Variants in GALNT13 observed in about 807,000 individuals in gnomAD.
GALNT13 encodes the protein UDP-GalNAc:polypeptide N-acetylgalactosaminyltransferase 13.
In GALNT13, 28 loss-of-function variants were observed where a neutral mutation model predicts 64.2. That is an observed-to-expected ratio of 0.44 (90% CI 0.32 to 0.60). The LOEUF (loss-of-function observed/expected upper bound fraction) is 0.60, where lower values mean the gene tolerates loss of function less well. Ranked by LOEUF, GALNT13 falls within the 20% of genes least tolerant of loss-of-function variation. The pLI is 0.05. For synonymous variants in GALNT13, 214 were observed against 224.6 expected, an observed-to-expected ratio of 0.95 and a Z score of 0.42; for missense variants, 577 against 669.8, an observed-to-expected ratio of 0.86 and a Z score of 1.53.
chr2:153,707,143 C>T, the GALNT13 span, among the ~76,000 whole-genome samples: 2 of 152,248 alleles, frequency 1.3e-5, no homozygotes, highest in African/African-American at 4.8e-5. Context: ...TTCCCAGCCA[C>T]GTGGAACTGT....
the GALNT13 span, among the ~76,000 whole-genome samples, chr2:153,669,594 C>A: frequency 6.6e-5 from 10 of 152,180 alleles, no homozygotes; most frequent in Non-Finnish European, 1.5e-4. Flanking sequence ...CTCTGGTCTA[C>A]AGCTCCCAGT....
intron 8 of GALNT13, among the ~76,000 whole-genome samples, chr2:154,299,621 A>AT (rs11319036): frequency 4.5e-4 from 65 of 143,936 alleles, no homozygotes; most frequent in South Asian, 2.0e-3. Flanking sequence ...TGCCTGGCTA[A>AT]TTTTTTTTTT....
chr2:153,480,893 C>T, the GALNT13 span, among the ~76,000 whole-genome samples: 2 of 152,100 alleles, frequency 1.3e-5, no homozygotes, highest in African/African-American at 4.8e-5. Context: ...TTGTAAGATC[C>T]AATATGGAAG....
chr2:153,353,772 C>A, the GALNT13 span, among the ~76,000 whole-genome samples: 1 of 152,084 alleles, frequency 6.6e-6, no homozygotes, highest in Non-Finnish European at 1.5e-5. Flanking sequence ...AAATGTTGAA[C>A]AAGTCTTACA....
At chr2:153,776,050 A>C in the GALNT13 span, among the ~76,000 whole-genome samples, 1 of 152,202 alleles carries the variant, frequency 6.6e-6, no homozygotes, top group Non-Finnish European at 1.5e-5. Context: ...ACTTCGAAGA[A>C]ATATTTTAAT....
At chr2:153,340,455 G>T in the GALNT13 span, among the ~76,000 whole-genome samples, 4 of 151,860 alleles carry the variant, frequency 2.6e-5, no homozygotes, top group Non-Finnish European at 5.9e-5. Flanking sequence ...AGGAGTTCGA[G>T]GCCAGCCTGG....
intron 2 of GALNT13, among the ~76,000 whole-genome samples, chr2:153,914,572 G>A (rs1481744361): frequency 2.0e-5 from 3 of 150,832 alleles, no homozygotes; most frequent in Admixed American, 6.6e-5. Flanking sequence ...TTCTGATTTT[G>A]TTAGGATTCT....
At chr2:153,785,891 T>A in the GALNT13 span, among the ~76,000 whole-genome samples, 1 of 152,052 alleles carries the variant, frequency 6.6e-6, no homozygotes, top group African/African-American at 2.4e-5. Flanking sequence ...GGTCCTGACC[T>A]CCAGCACAGA....
chr2:154,432,870 G>C (rs948036867), intron 11 of GALNT13, among the ~76,000 whole-genome samples: 2 of 152,048 alleles, frequency 1.3e-5, no homozygotes, highest in Non-Finnish European at 2.9e-5. Context: ...TATCATCTGG[G>C]GAGCCACAGT....
the GALNT13 span, among the ~76,000 whole-genome samples, chr2:153,082,204 TTACA>T: frequency 6.6e-6 from 1 of 152,126 alleles, no homozygotes; most frequent in East Asian, 1.9e-4. Context: ...TGGTTTTTGG[TTACA>T]TGGATAAGTT....
chr2:153,122,825 C>G, the GALNT13 span, among the ~76,000 whole-genome samples: 3 of 152,096 alleles, frequency 2.0e-5, no homozygotes, highest in Admixed American at 2.0e-4. Flanking sequence ...CCCCCTCCCC[C>G]CAAAAATATA....
chr2:154,355,987 G>T (rs1483668153), intron 9 of GALNT13, among the ~76,000 whole-genome samples: 1 of 151,838 alleles, frequency 6.6e-6, no homozygotes, highest in Non-Finnish European at 1.5e-5. Flanking sequence ...TTGTCATCAG[G>T]TTCTCTTTGA....
In GALNT13 at chr2:154,020,532, CT is replaced by C. The variant is rs1558912411; in HGVS notation, c.142+75898del. On this transcript the variant is annotated intron_variant, in intron 3 of 12. Coordinates refer to ENST00000392825, the MANE Select transcript of GALNT13 (RefSeq NM_052917.4). The stretch of plus-strand genomic sequence containing the variant: ...AGTGTCTGTTCATATCTTTCGCCCA[CT>C]TTTTGATGGGGTTGTTTGTTTTTTT... 8.5e-5 allele frequency among the ~76,000 whole-genome samples: 13 copies of C among 152,190 alleles called. No homozygotes were observed. The South Asian group carries it at 2.5e-3, about 29-fold the overall frequency.
chr2:153,634,082 G>T, the GALNT13 span, among the ~76,000 whole-genome samples: 1 of 152,052 alleles, frequency 6.6e-6, no homozygotes, highest in Non-Finnish European at 1.5e-5. Flanking sequence ...ACTTTGTGTG[G>T]CATATTGGTG....
chr2:153,365,474 A>AT, the GALNT13 span, among the ~76,000 whole-genome samples: 1 of 152,120 alleles, frequency 6.6e-6, no homozygotes, highest in East Asian at 1.9e-4. Context: ...GTCGGAGAAA[A>AT]TTTTTTTGCA....
chr2:154,319,104 A>G (rs1022567785), intron 9 of GALNT13, among the ~76,000 whole-genome samples: 4 of 152,194 alleles, frequency 2.6e-5, no homozygotes, highest in Non-Finnish European at 4.4e-5. Context: ...CTCAACGGAA[A>G]CCACACATAA....
In GALNT13 at chr2:154,348,453, C is replaced by A. The variant is rs371242697; in HGVS notation, c.1156+46864C>A. 2.0e-5 allele frequency among the ~76,000 whole-genome samples: 3 copies of A among 151,832 alleles called. No individual in the cohort carries two copies. The East Asian group carries it at 5.8e-4, about 29-fold the overall frequency. Reference sequence around the variant, plus strand: ...GGTTGGTTGGTTTTAAGTATACTTTCTATTAGTCAGAGATTAGAGTCAAAA... The same window carrying A: ...GGTTGGTTGGTTTTAAGTATACTTTATATTAGTCAGAGATTAGAGTCAAAA... On this transcript the variant is annotated intron_variant, in intron 9 of 12. Transcript: ENST00000392825.
At chr2:153,436,828 A>G in the GALNT13 span, among the ~76,000 whole-genome samples, 3 of 151,918 alleles carry the variant, frequency 2.0e-5, no homozygotes, top group Non-Finnish European at 4.4e-5. Flanking sequence ...TATTTCCTTC[A>G]GTTCTGCTCT....
chr2:154,271,933 C>T (rs993288909), intron 8 of GALNT13, among the ~76,000 whole-genome samples: 3 of 151,698 alleles, frequency 2.0e-5, no homozygotes, highest in Non-Finnish European at 2.9e-5. Context: ...GCAAGACATC[C>T]TGAATGAGTT....
Sources: allele counts gnomAD v4.1 joint callset (sites outside exome capture counted in the v4.1 genomes callset), GRCh38; gene constraint gnomAD v4.1.1; transcripts MANE v1.5; gene names NCBI Gene and HGNC (gene_info 2026-07-23, HGNC 2026-07-21).